The following DYTN variants were observed in gnomAD, a reference collection of about 807,000 sequenced individuals.
The protein encoded by DYTN is dystrotelin.
DYTN carries 75 observed loss-of-function variants against 69.6 expected under a neutral mutation model. The ratio of observed to expected loss-of-function variants is 1.08; its 90% CI spans 0.89 to 1.31. DYTN has a LOEUF of 1.31. DYTN is among the 50% of genes most tolerant of loss of function. The pLI is 0.00. For synonymous variants in DYTN, 252 were observed against 249.1 expected, an observed-to-expected ratio of 1.01 and a Z score of -0.11; for missense variants, 726 against 688.4, an observed-to-expected ratio of 1.05 and a Z score of -0.61.
chr2:206,693,429 C>A (rs1699886439), intron 8 of DYTN, 106 bp from the exon 9 acceptor site: 2 of 1,368,254 alleles, frequency 1.5e-6, no homozygotes, highest in East Asian at 2.4e-5. Context: ...GGAATTATTT[C>A]TCTTAAGTCC....
chr2:206,704,228 A>G (rs1700003409), intron 5 of DYTN, among the ~76,000 whole-genome samples: 1 of 152,196 alleles, frequency 6.6e-6, no homozygotes, highest in Non-Finnish European at 1.5e-5. Flanking sequence ...CAAGTGCCGC[A>G]ACAAAGTTAT....
chr2:206,651,838 C>G lies in DYTN; in HGVS notation c.1717G>C (p.Ala573Pro), dbSNP rs1311813445. The G allele has an allele frequency of 1.2e-6, 2 of 1,613,410 alleles. No homozygotes were observed. Among genetic ancestry groups the G allele is most frequent in the African/African-American group, 2.7e-5 (2 of 74,856 alleles). Residue 573 changes from alanine (A) to proline (P), a missense_variant, in exon 12 of 12, where the codon GCC becomes CCC. By Grantham distance (27) the Ala-to-Pro change is conservative (BLOSUM62 -1). Transcript: ENST00000452335. ...RAFSALVDQI[A>P]LPNLK ...CCATTTCACTTCAAATTGGGCAAGG[C>G]AATTTGATCAACAAGGGCAGAGAAG...
chr2:206,675,104 CATAT>C (rs1292459221), intron 9 of DYTN, among the ~76,000 whole-genome samples: 4 of 134,848 alleles, frequency 3.0e-5, no homozygotes, highest in Admixed American at 7.8e-5. Flanking sequence ...GGGGAAAAAA[CATAT>C]ATATATATGT....
At chr2:206,710,736 T>C (rs750479889) in intron 1 of DYTN, 138 bp from the exon 2 acceptor site, 20 of 620,240 alleles carry the variant, frequency 3.2e-5, no homozygotes, top group Admixed American at 7.1e-5. Flanking sequence ...GCTCTTTTTT[T>C]TTCTGTAAAC....
chr2:206,706,495 TAA>T (rs77632434), intron 3 of DYTN, among the ~76,000 whole-genome samples: 20,447 of 144,940 alleles, frequency 0.14, 1,616 homozygotes, highest in East Asian at 0.23. Context: ...TAAAAAAAAT[TAA>T]AAAAAAAAAA....
chr2:206,665,475 A>G (rs1699559808), intron 10 of DYTN, among the ~76,000 whole-genome samples: 1 of 150,186 alleles, frequency 6.7e-6, no homozygotes, highest in Admixed American at 6.6e-5. Flanking sequence ...TCATTCATTC[A>G]TTTTCATTTT....
At chr2:206,652,118 GTTC>G (rs1699394932) in intron 11 of DYTN, among the ~76,000 whole-genome samples, 197 bp from the exon 12 acceptor site, 1 of 152,176 alleles carries the variant, frequency 6.6e-6, no homozygotes, top group Non-Finnish European at 1.5e-5. Context: ...TCAGGCATAG[GTTC>G]TTAAGAAGCA....
rs556265646 is a variant in DYTN, at chr2:206,700,155, C to T, written c.545G>A (p.Cys182Tyr). 1.8e-5 allele frequency: 29 copies of T among 1,613,954 alleles called. No homozygotes were observed. In the East Asian group the frequency reaches 6.0e-4, roughly 33 times the overall value. The stretch of plus-strand genomic sequence containing the variant: ...TTGCAAGGCACTCACCCCTTGGAAA[C>T]AGCTGCGGGTGGCACTTTCCACAGG... ...LCPVESATRS[C>Y]FQGVLSPAIK... is the part of the protein sequence containing the mutation. The change falls in exon 6 of 12, where the codon TGT becomes TAT. Residue 182 changes from cysteine (C) to tyrosine (Y), a missense_variant. By Grantham distance (194) the Cys-to-Tyr change is radical. Transcript: ENST00000452335.
At chr2:206,697,568 C>A (rs1230685589) in intron 7 of DYTN, among the ~76,000 whole-genome samples, 1 of 152,130 alleles carries the variant, frequency 6.6e-6, no homozygotes, top group Non-Finnish European at 1.5e-5. Flanking sequence ...TATATCCAGG[C>A]AATTTTTAAT....
intron 9 of DYTN, among the ~76,000 whole-genome samples, chr2:206,690,882 A>C (rs1699855648): frequency 6.6e-6 from 1 of 152,198 alleles, no homozygotes; most frequent in Non-Finnish European, 1.5e-5. Flanking sequence ...TGGAACACAG[A>C]GACTGTGGAG....
At chr2:206,694,657 G>T in intron 8 of DYTN, 109 bp downstream of exon 8, 2 of 800,776 alleles carry the variant, frequency 2.5e-6, no homozygotes, top group Non-Finnish European at 3.8e-6. Flanking sequence ...ATATTGCAAT[G>T]TATGACAGGA....
At chr2:206,714,849 G>A (rs1029886269) in intron 1 of DYTN, among the ~76,000 whole-genome samples, 1 of 152,124 alleles carries the variant, frequency 6.6e-6, no homozygotes, top group African/African-American at 2.4e-5. Flanking sequence ...TTCAGTTAGG[G>A]CCTTGACCAG....
chr2:206,692,551 T>G (rs908360332), intron 9 of DYTN, among the ~76,000 whole-genome samples: 3 of 152,178 alleles, frequency 2.0e-5, no homozygotes, highest in Admixed American at 2.0e-4. Context: ...GATAAATGCA[T>G]GCATAGAGAT....
At chr2:206,717,043 A>AACAGACACACAC (rs1700136326) in intron 1 of DYTN, among the ~76,000 whole-genome samples, 1 of 143,726 alleles carries the variant, frequency 7.0e-6, no homozygotes, top group African/African-American at 2.6e-5. Flanking sequence ...TGCCGATGCA[A>AACAGACACACAC]ACACACACAC....
At chr2:206,696,337 CAGA>C (rs368064534) in intron 7 of DYTN, among the ~76,000 whole-genome samples, 220 of 152,314 alleles carry the variant, frequency 1.4e-3, no homozygotes, top group African/African-American at 4.9e-3. Flanking sequence ...GGCCAGATGG[CAGA>C]AGGTCTGATG....
chr2:206,666,123 G>A, intron 9 of DYTN, 94 bp from the exon 10 acceptor site: 1 of 1,464,812 alleles, frequency 6.8e-7, no homozygotes, highest in South Asian at 1.4e-5. Context: ...CTTTTTGTGG[G>A]AAAAGATGCT....
At position 206,707,323 on chromosome 2, in the gene DYTN, A is replaced by G. The variant is rs1023441233; in HGVS notation, c.275T>C (p.Leu92Pro). 2.5e-6 allele frequency: 4 copies of G among 1,612,142 alleles called. No individual in the cohort carries two copies. The African/African-American group carries it at 4.0e-5, about 16-fold the overall frequency. ...HPRAPELTLS[L>P]LTTMYNSKGT... ...TCACCTGTTGTACATTGTCGTGAGA[A>G]GGCTCAGAGTGAGTTCCGGAGCTCT... Residue 92 changes from leucine (L) to proline (P), a missense_variant, in exon 3 of 12, where the codon CTT becomes CCT. Physicochemically the swap from Leu to Pro is moderately conservative, Grantham distance 98. Coordinates refer to ENST00000452335, the MANE Select transcript of DYTN (RefSeq NM_001093730.1).
At chr2:206,656,506 A>G (rs750866684) in intron 11 of DYTN, among the ~76,000 whole-genome samples, 4 of 151,920 alleles carry the variant, frequency 2.6e-5, no homozygotes, top group Admixed American at 6.6e-5. Context: ...GGGGAGGACA[A>G]TTTTGCCATT....
At chr2:206,652,029 A>G in intron 11 of DYTN, 108 bp from the exon 12 acceptor site, 1 of 1,007,314 alleles carries the variant, frequency 9.9e-7, no homozygotes, top group East Asian at 2.6e-5. Flanking sequence ...ATTTTTCTTC[A>G]GTTCTCAAGG....
Sources: gnomAD v4.1 joint callset for allele counts (sites outside exome capture counted in the v4.1 genomes callset) on GRCh38, gnomAD v4.1.1 for gene constraint, MANE v1.5 for transcripts, NCBI Gene and HGNC (gene_info 2026-07-23, HGNC 2026-07-21) for gene names.